The following FGD2 variants were observed in gnomAD, a reference collection of about 807,000 sequenced individuals.
FGD2 encodes the protein FYVE, RhoGEF and PH domain containing 2.
In FGD2, 52 loss-of-function variants were observed where a neutral mutation model predicts 75.9. The ratio of observed to expected loss-of-function variants is 0.69; its 90% confidence interval spans 0.55 to 0.86. FGD2 has a LOEUF of 0.86. FGD2 is among the 40% of genes least tolerant of loss of function. The pLI is 0.00. For missense variants in FGD2, 790 were observed against 872.0 expected, an observed-to-expected ratio of 0.91 and a Z score of 1.18; for synonymous variants, 347 against 348.6, an observed-to-expected ratio of 1.00 and a Z score of 0.05.
At chr6:37,009,747 C>A (rs1255162832) in intron 2 of FGD2, 2 of 152,230 alleles carry the variant, frequency 1.3e-5, no homozygotes, top group African/African-American at 4.8e-5. Context: ...GGTGCAGTAA[C>A]TCACGCCTGT....
intron 13 of FGD2, chr6:37,024,880 A>C (rs1360445405): frequency 6.6e-6 from 1 of 152,146 alleles, no homozygotes; most frequent in Non-Finnish European, 1.5e-5. Flanking sequence ...GGGCAGGGCC[A>C]GGCCTTCTTC....
chr6:37,013,851 C>G, intron 5 of FGD2, 86 bp downstream of exon 5: 2 of 1,587,784 alleles, frequency 1.3e-6, no homozygotes, highest in Admixed American at 1.7e-5. Context: ...GGGCATCTCC[C>G]AGGCTCAGCT....
intron 8 of FGD2, 52 bp downstream of exon 8, chr6:37,015,090 C>G: frequency 6.3e-7 from 1 of 1,579,824 alleles, no homozygotes; most frequent in Non-Finnish European, 8.6e-7. Context: ...AGTCCATGGG[C>G]CACTCTGGCC....
rs139852620 is a variant in FGD2, at chr6:37,014,813, C to T, written c.883-79C>T. The T allele has an allele frequency of 3.0e-4, 476 of 1,609,132 alleles. 1 individual carries two copies. The African/African-American group carries it at 4.4e-3, about 15-fold the overall frequency. ...CTGCCCTCACTGTTACCCCCCAGTC[C>T]CCGTCCCCACAAGGCAAGCCTTCCA... On this transcript the variant is annotated intron_variant, in intron 7 of 15. Coordinates refer to ENST00000274963, the MANE Select transcript of FGD2 (RefSeq NM_173558.4).
rs1764716140 is a variant in FGD2 at position 37,005,700 on chromosome 6, G to T, written c.-118G>T. On this transcript the variant is annotated 5_prime_UTR_variant, in exon 1 of 16. Coordinates refer to ENST00000274963, the MANE Select transcript of FGD2 (RefSeq NM_173558.4). ...CCTTCTGAGCCCTCAAGAAAGATCA[G>T]AACAGATTCATGGGTGATTTAGCCT... 3 of 1,111,480 alleles carry T rather than the reference G, an allele frequency of 2.7e-6. No homozygotes were observed. The highest frequency in any genetic ancestry group is 4.0e-6 in the Non-Finnish European group (3 of 746,878). 68.9% of individuals were successfully genotyped at this position (1,111,480 alleles called of 1,614,324 possible). A position where few individuals can be genotyped will look rare whatever the true frequency, so the allele number is the denominator to read the frequency against.
At chr6:37,018,017 G>A (rs751554337) in intron 9 of FGD2, among the ~76,000 whole-genome samples, 8 of 152,194 alleles carry the variant, frequency 5.3e-5, no homozygotes, top group Admixed American at 2.0e-4. Context: ...AGACCAGGGC[G>A]TGTGCAGGCT....
chr6:37,012,490 T>A (rs896450515), intron 4 of FGD2, among the ~76,000 whole-genome samples: 15 of 151,938 alleles, frequency 9.9e-5, no homozygotes, highest in African/African-American at 3.4e-4. Context: ...GGTGGGTGGA[T>A]CACTTGAGCT....
chr6:37,020,989 TG>T, intron 11 of FGD2, among the ~76,000 whole-genome samples: 1 of 151,588 alleles, frequency 6.6e-6, no homozygotes, highest in Non-Finnish European at 1.5e-5. Flanking sequence ...TGTGTGTATG[TG>T]TGCATGCATG....
chr6:37,027,335 G>A (rs1276527560), intron 14 of FGD2, 94 bp from the exon 15 acceptor site: 2 of 1,456,602 alleles, frequency 1.4e-6, no homozygotes, highest in Non-Finnish European at 1.9e-6. Flanking sequence ...CAGTACTGCT[G>A]TAAGGATTGG....
intron 9 of FGD2, 57 bp from the exon 10 acceptor site, chr6:37,020,484 G>T: frequency 1.3e-6 from 2 of 1,515,182 alleles, no homozygotes; most frequent in Non-Finnish European, 9.0e-7. Context: ...CCACAGTGCT[G>T]TGCCTGGGAC....
Position 37,014,643 on chromosome 6 carries a change from C to T in FGD2, c.824-3C>T. ...GAATAAACTCCGGCCCTGCCCCTTTCAGAAGCCCTGGACATGATCTTCTCA... is the reference window on the plus strand; with the variant it reads ...GAATAAACTCCGGCCCTGCCCCTTTTAGAAGCCCTGGACATGATCTTCTCA... On this transcript the variant is annotated splice_region_variant and splice_polypyrimidine_tract_variant and intron_variant, in intron 6 of 15. Transcript: ENST00000274963. The T allele has an allele frequency of 6.2e-7, 1 of 1,613,836 alleles. No homozygotes were observed. The highest frequency in any genetic ancestry group is 8.5e-7 in the Non-Finnish European group (1 of 1,179,982).
At chr6:37,021,477 C>T in intron 11 of FGD2, 35 bp from the exon 12 acceptor site, 1 of 1,585,734 alleles carries the variant, frequency 6.3e-7, no homozygotes, top group Non-Finnish European at 8.6e-7. Flanking sequence ...CCTTCCACAC[C>T]TCAAGCCCCG....
chr6:37,027,353 G>T, intron 14 of FGD2, 76 bp from the exon 15 acceptor site: 1 of 1,521,618 alleles, frequency 6.6e-7, no homozygotes, highest in South Asian at 1.2e-5. Flanking sequence ...TGGAGATAGT[G>T]ATTGTCAAGC....
rs545522791 is a variant in FGD2, at chr6:37,028,539, A to T, written c.*376A>T. On this transcript the variant is annotated 3_prime_UTR_variant, in exon 16 of 16. Transcript: ENST00000274963. ...GAAAAACACATAGTAAATTAATTTT[A>T]AAAATGTAAAAAACAATGCCTGTAC... 492 of 191,734 alleles carry T rather than the reference A, an allele frequency of 2.6e-3. 7 individuals are homozygous for T. Among genetic ancestry groups the T allele is most frequent in the African/African-American group, 0.01 (442 of 43,060 alleles). The allele number at this position is 191,734 out of a possible 1,614,324, so 11.9% of individuals were successfully genotyped here.
chr6:37,010,095 G>A (rs1390182433), intron 2 of FGD2: 4 of 151,976 alleles, frequency 2.6e-5, no homozygotes, highest in East Asian at 1.9e-4. Flanking sequence ...GGATGCTGCC[G>A]GGAGGTTTTT....
At chr6:37,010,888 T>C (rs1379439965) in intron 2 of FGD2, 85 bp from the exon 3 acceptor site, 1 of 1,347,436 alleles carries the variant, frequency 7.4e-7, no homozygotes, top group Admixed American at 1.7e-5. Context: ...GCAGCAACTT[T>C]GGAGACTGAA....
chr6:37,027,079 C>T (rs746962431), intron 14 of FGD2, among the ~76,000 whole-genome samples: 53 of 152,178 alleles, frequency 3.5e-4, no homozygotes, highest in Non-Finnish European at 7.1e-4. Context: ...CTTCCAGGCC[C>T]AGGACCCCCT....
chr6:37,011,894 C>A lies in FGD2; in HGVS notation c.527+40C>A, dbSNP rs748645616. 5.0e-6 allele frequency: 8 copies of A among 1,599,618 alleles called. No homozygotes were observed. The African/African-American group carries it at 1.1e-4, about 22-fold the overall frequency. ...GAGCCCCTGAGGCCTCAGACCACAG[C>A]CCTGGCCAGGTGGAGGTGGGGAGAC... is the stretch of plus-strand genomic sequence containing the variant. On this transcript the variant is annotated intron_variant, in intron 4 of 15. Coordinates refer to ENST00000274963, the MANE Select transcript of FGD2 (RefSeq NM_173558.4).
intron 9 of FGD2, among the ~76,000 whole-genome samples, chr6:37,018,063 A>G (rs1481306666): frequency 1.3e-5 from 2 of 152,174 alleles, no homozygotes; most frequent in Non-Finnish European, 2.9e-5. Flanking sequence ...GAGGCTGAGA[A>G]AGGCAGGTTT....
Sources: allele counts gnomAD v4.1 joint callset (sites outside exome capture counted in the v4.1 genomes callset), GRCh38; gene constraint gnomAD v4.1.1; transcripts MANE v1.5; gene names NCBI Gene and HGNC (gene_info 2026-07-23, HGNC 2026-07-21).